Variants in CTNNA2 observed in about 807,000 individuals in gnomAD.
The protein encoded by CTNNA2 is catenin alpha 2, also known as catenin alpha-2.
A neutral mutation model predicts 101.0 loss-of-function variants in CTNNA2; 42 were observed. The ratio of observed to expected loss-of-function variants is 0.42; its 90% CI spans 0.32 to 0.54. The LOEUF is 0.54. Ranked by LOEUF, CTNNA2 falls within the 20% of genes least tolerant of loss-of-function variation. The pLI is 0.14. For missense variants in CTNNA2, 871 were observed against 1,223.1 expected, an observed-to-expected ratio of 0.71 and a Z score of 4.29; for synonymous variants, 450 against 456.4, an observed-to-expected ratio of 0.99 and a Z score of 0.18.
chr2:79,289,248 C>T (rs1469616794), intron 2 of CTNNA2, among the ~76,000 whole-genome samples: 1 of 152,140 alleles, frequency 6.6e-6, no homozygotes, highest in Non-Finnish European at 1.5e-5. Flanking sequence ...CTGACAGAGC[C>T]AGGGAAAGCA....
chr2:79,686,635 GAAGA>G (rs1683949340), intron 2 of CTNNA2, among the ~76,000 whole-genome samples: 2 of 151,996 alleles, frequency 1.3e-5, no homozygotes, highest in African/African-American at 4.8e-5. Flanking sequence ...AATAAATAAG[GAAGA>G]AAGTACAGTA....
intron 17 of CTNNA2, among the ~76,000 whole-genome samples, chr2:80,609,462 T>C (rs1698285352): frequency 1.3e-5 from 2 of 151,734 alleles, no homozygotes; most frequent in Middle Eastern, 3.2e-3. Flanking sequence ...TTTGTGCCTC[T>C]TCCCAAAGCA....
At chr2:79,519,033 A>C (rs1191952649) in intron 1 of CTNNA2, among the ~76,000 whole-genome samples, 1 of 152,106 alleles carries the variant, frequency 6.6e-6, no homozygotes, top group Non-Finnish European at 1.5e-5. Flanking sequence ...GTTTGAGACC[A>C]GCCTGGCTAA....
intron 9 of CTNNA2, among the ~76,000 whole-genome samples, chr2:80,423,430 A>AT (rs1037866805): frequency 3.0e-4 from 45 of 151,714 alleles, no homozygotes; most frequent in African/African-American, 8.9e-4. Flanking sequence ...ATTGAGTTCA[A>AT]TTTTTTTTTA....
chr2:79,687,802 A>G (rs77820778), intron 2 of CTNNA2: 5 of 468,598 alleles, frequency 1.1e-5, no homozygotes, highest in Non-Finnish European at 1.9e-5. Context: ...GGCGCCAAAA[A>G]TGGATTTCAC....
At chr2:80,258,819 T>C (rs1672373648) in intron 7 of CTNNA2, among the ~76,000 whole-genome samples, 1 of 152,024 alleles carries the variant, frequency 6.6e-6, no homozygotes, top group South Asian at 2.1e-4. Context: ...GGACACATAT[T>C]GAGTTTGGCA....
chr2:79,989,474 C>T (rs2103885503), intron 7 of CTNNA2, among the ~76,000 whole-genome samples: 1 of 152,050 alleles, frequency 6.6e-6, no homozygotes, highest in African/African-American at 2.4e-5. Flanking sequence ...AACAAACAAA[C>T]AAACAAAAAA....
At chr2:79,277,345 C>A (rs1367220224) in intron 2 of CTNNA2, among the ~76,000 whole-genome samples, 1 of 152,054 alleles carries the variant, frequency 6.6e-6, no homozygotes, top group Non-Finnish European at 1.5e-5. Flanking sequence ...CGAATCTCTG[C>A]CTCATTGTGC....
intron 2 of CTNNA2, among the ~76,000 whole-genome samples, chr2:79,215,213 G>A (rs545632295): frequency 6.6e-6 from 1 of 152,282 alleles, no homozygotes; most frequent in African/African-American, 2.4e-5. Flanking sequence ...GATGGGACGT[G>A]GCTTAGGAGG....
At chr2:79,989,802 G>T (rs1326793181) in intron 7 of CTNNA2, among the ~76,000 whole-genome samples, 1 of 152,142 alleles carries the variant, frequency 6.6e-6, no homozygotes, top group Admixed American at 6.5e-5. Context: ...TCTCTCCTGA[G>T]ATCCAAAGGG....
chr2:80,276,705 G>T (rs1353699628), intron 7 of CTNNA2, among the ~76,000 whole-genome samples: 1 of 151,956 alleles, frequency 6.6e-6, no homozygotes, highest in Non-Finnish European at 1.5e-5. Context: ...GGAGGGATGT[G>T]CCAGACTCTT....
At chr2:80,452,674 C>A (rs1683615541) in intron 9 of CTNNA2, among the ~76,000 whole-genome samples, 1 of 151,646 alleles carries the variant, frequency 6.6e-6, no homozygotes, top group Admixed American at 6.5e-5. Flanking sequence ...GGGCTTCTTG[C>A]AGGTTGGGTT....
chr2:79,579,346 C>T (rs1031703604), intron 1 of CTNNA2, among the ~76,000 whole-genome samples: 4 of 151,734 alleles, frequency 2.6e-5, no homozygotes, highest in Admixed American at 6.6e-5. Flanking sequence ...TGGATCCCCC[C>T]TGTGGCCCTA....
intron 9 of CTNNA2, among the ~76,000 whole-genome samples, chr2:80,512,104 C>G (rs1688748266): frequency 1.5e-5 from 2 of 130,240 alleles, no homozygotes; most frequent in East Asian, 4.7e-4. Flanking sequence ...GAGCCGAGAT[C>G]ACACCACTGC....
intron 8 of CTNNA2, among the ~76,000 whole-genome samples, chr2:80,407,403 A>G (rs1473487433): frequency 1.3e-5 from 2 of 152,216 alleles, no homozygotes; most frequent in East Asian, 3.9e-4. Flanking sequence ...ACTAAAATCC[A>G]CTGATGAAAC....
chr2:80,248,229 G>A (rs1209140546), intron 7 of CTNNA2, among the ~76,000 whole-genome samples: 1 of 151,998 alleles, frequency 6.6e-6, no homozygotes, highest in Non-Finnish European at 1.5e-5. Context: ...TCCTTCAGTC[G>A]GTTAGCAAGC....
chr2:80,225,877 G>A (rs1708861071), intron 7 of CTNNA2, among the ~76,000 whole-genome samples: 1 of 152,190 alleles, frequency 6.6e-6, no homozygotes, highest in South Asian at 2.1e-4. Context: ...GTGTTTATCT[G>A]ATGGTGGATT....
chr2:79,809,486 C>A (rs1202741431), intron 3 of CTNNA2, among the ~76,000 whole-genome samples: 1 of 152,190 alleles, frequency 6.6e-6, no homozygotes, highest in East Asian at 1.9e-4. Flanking sequence ...GCCACTGTAA[C>A]TGGCATGAGA....
At chr2:79,343,724 ATTATT>A (rs2104431212) in intron 3 of CTNNA2, among the ~76,000 whole-genome samples, 2 of 2,860 alleles carry the variant, frequency 7.0e-4, no homozygotes, top group East Asian at 0.25. Flanking sequence ...GACACGGACG[ATTATT>A]ATTATTATTA....
Sources: allele counts gnomAD v4.1 joint callset (sites outside exome capture counted in the v4.1 genomes callset), GRCh38; gene constraint gnomAD v4.1.1; transcripts MANE v1.5; gene names NCBI Gene and HGNC (gene_info 2026-07-23, HGNC 2026-07-21).